Variants in OPCML observed in about 807,000 individuals in gnomAD.
OPCML encodes opioid binding protein/cell adhesion molecule like.
In OPCML, 13 loss-of-function variants were observed where a neutral mutation model predicts 37.8. The observed-to-expected ratio is 0.34, with a 90% CI of 0.22 to 0.55. The LOEUF (loss-of-function observed/expected upper bound fraction) is 0.55, where lower values mean the gene tolerates loss of function less well. OPCML is among the 20% of genes least tolerant of loss of function. The pLI, the probability that OPCML is intolerant of heterozygous loss-of-function variation, is 0.91. For synonymous variants in OPCML, 176 were observed against 168.8 expected (o/e 1.04, Z -0.33); for missense variants, 341 against 435.6 (o/e 0.78, Z 1.93).
chr11:132,579,831 G>T (rs1398059003), intron 3 of OPCML, among the ~76,000 whole-genome samples: 4 of 152,176 alleles, frequency 2.6e-5, no homozygotes, highest in African/African-American at 9.7e-5. Flanking sequence ...TAGAAGTACA[G>T]TCTGTTATAT....
rs144014711 is a variant in OPCML, at chr11:132,927,549, C to T, written c.146+15377G>A. 4.4e-4 allele frequency among the ~76,000 whole-genome samples: 67 copies of T among 152,196 alleles called. No individual in the cohort carries two copies. In the East Asian group the frequency reaches 9.4e-3, roughly 21 times the overall value. On this transcript the variant is annotated intron_variant, in intron 2 of 7. Coordinates refer to ENST00000524381, the MANE Select transcript of OPCML (RefSeq NM_001012393.5). Reference sequence around the variant, plus strand: ...CAAAAGCTGAGGGAATTCATTACCACTAGACCTGCACTTCAAGAAATATGA... The same window carrying T: ...CAAAAGCTGAGGGAATTCATTACCATTAGACCTGCACTTCAAGAAATATGA...
chr11:133,048,207 T>G (rs1167410408), intron 1 of OPCML, among the ~76,000 whole-genome samples: 2 of 152,196 alleles, frequency 1.3e-5, no homozygotes, highest in East Asian at 3.9e-4. Flanking sequence ...GCATAATTAA[T>G]GCATGTTAAT....
chr11:133,201,786 A>G (rs1869445), intron 1 of OPCML, among the ~76,000 whole-genome samples: 4,190 of 152,304 alleles, frequency 0.028, 275 homozygotes, highest in East Asian at 0.21. Context: ...GGCTAAAGCC[A>G]CTATGTCTGA....
chr11:132,503,431 G>A (rs966546812), intron 4 of OPCML, among the ~76,000 whole-genome samples: 1 of 152,070 alleles, frequency 6.6e-6, no homozygotes, highest in Non-Finnish European at 1.5e-5. Context: ...ACATTTTCCT[G>A]TCCCCACTAT....
intron 2 of OPCML, among the ~76,000 whole-genome samples, chr11:132,937,188 T>A (rs554603554): frequency 6.6e-6 from 1 of 152,166 alleles, no homozygotes; most frequent in African/African-American, 2.4e-5. Context: ...ATCAGATCCA[T>A]AAAAACTGCC....
At chr11:133,057,071 C>T (rs943395857) in intron 1 of OPCML, among the ~76,000 whole-genome samples, 1 of 152,088 alleles carries the variant, frequency 6.6e-6, no homozygotes, top group African/African-American at 2.4e-5. Flanking sequence ...CTCGAACTCC[C>T]GACCTCAGGT....
intron 1 of OPCML, among the ~76,000 whole-genome samples, chr11:133,482,583 C>T (rs890904460): frequency 2.0e-5 from 3 of 152,094 alleles, no homozygotes; most frequent in African/African-American, 7.2e-5. Flanking sequence ...CTCCTGTTAC[C>T]TCTGTCCCAT....
At chr11:133,029,379 A>G (rs973331625) in intron 1 of OPCML, among the ~76,000 whole-genome samples, 1 of 152,174 alleles carries the variant, frequency 6.6e-6, no homozygotes, top group African/African-American at 2.4e-5. Context: ...GCATATAGCC[A>G]AAGGAAAATA....
rs142192504 is a variant in OPCML at position 133,468,688 on chromosome 11, T to G, written c.61+63576A>C. The stretch of plus-strand genomic sequence containing the variant: ...TGGCCCCAAGGGACAATAGGTTGCT[T>G]TGGGATAGCTGAGAGAAAAAGGCTT... On this transcript the variant is annotated intron_variant, in intron 1 of 7. Transcript: ENST00000524381. 2.3e-3 allele frequency among the ~76,000 whole-genome samples: 356 copies of G among 152,280 alleles called. 1 individual carries two copies. The highest frequency in any genetic ancestry group is 7.8e-3 in the African/African-American group (325 of 41,580).
intron 1 of OPCML, among the ~76,000 whole-genome samples, chr11:133,449,632 C>T (rs1409366829): frequency 1.3e-5 from 2 of 148,288 alleles, no homozygotes; most frequent in African/African-American, 5.3e-5. Flanking sequence ...TCGCTTGTAG[C>T]GGCATCACTC....
chr11:133,047,916 A>G (rs1332113562), intron 1 of OPCML, among the ~76,000 whole-genome samples: 1 of 152,048 alleles, frequency 6.6e-6, no homozygotes, highest in African/African-American at 2.4e-5. Flanking sequence ...GACGCCCTCC[A>G]TTTCTATCTG....
chr11:133,137,174 C>G (rs182147834), intron 1 of OPCML, among the ~76,000 whole-genome samples: 1 of 152,064 alleles, frequency 6.6e-6, no homozygotes, highest in African/African-American at 2.4e-5. Flanking sequence ...TTTGGCTGAG[C>G]CTCTCTTGAA....
At chr11:133,428,632 C>T (rs571994657) in intron 1 of OPCML, among the ~76,000 whole-genome samples, 1 of 152,134 alleles carries the variant, frequency 6.6e-6, no homozygotes, top group East Asian at 1.9e-4. Context: ...AAACAAGACA[C>T]ATGTAAGAAC....
intron 1 of OPCML, among the ~76,000 whole-genome samples, chr11:133,522,365 A>G (rs1309200198): frequency 6.6e-6 from 1 of 152,244 alleles, no homozygotes; most frequent in Non-Finnish European, 1.5e-5. Flanking sequence ...TTGGTATTGT[A>G]CTACCCTGAA....
intron 1 of OPCML, chr11:133,300,548 CA>C (rs778269391): frequency 6.6e-6 from 1 of 152,140 alleles, no homozygotes; most frequent in Non-Finnish European, 1.5e-5. Context: ...CATGTGTCAC[CA>C]AATCACAATA....
chr11:133,411,166 G>C (rs1945643714), intron 1 of OPCML, among the ~76,000 whole-genome samples: 1 of 151,970 alleles, frequency 6.6e-6, no homozygotes, highest in Admixed American at 6.6e-5. Context: ...GAACCAATAG[G>C]GTCCCTCAAC....
chr11:133,125,688 T>C (rs1949493214), intron 1 of OPCML, among the ~76,000 whole-genome samples: 1 of 26,392 alleles, frequency 3.8e-5, no homozygotes, highest in South Asian at 1.2e-3. Context: ...ATGTATATAG[T>C]ATATATAGTA....
intron 2 of OPCML, among the ~76,000 whole-genome samples, chr11:132,725,910 G>A (rs183073817): frequency 6.6e-6 from 1 of 152,202 alleles, no homozygotes; most frequent in East Asian, 1.9e-4. Flanking sequence ...CATAACAAGA[G>A]TTACCTTTGC....
chr11:132,730,462 C>T (rs1945040126), intron 2 of OPCML, among the ~76,000 whole-genome samples: 1 of 152,024 alleles, frequency 6.6e-6, no homozygotes, highest in South Asian at 2.1e-4. Flanking sequence ...CTCTGATCCT[C>T]CCTTGATAAA....
Sources: allele counts gnomAD v4.1 joint callset (sites outside exome capture counted in the v4.1 genomes callset), GRCh38; gene constraint gnomAD v4.1.1; transcripts MANE v1.5; gene names NCBI Gene and HGNC (gene_info 2026-07-23, HGNC 2026-07-21).